INSR: variants seen among roughly 807,000 people sequenced by gnomAD.
INSR encodes the protein insulin receptor.
Under a neutral mutation model 142.6 loss-of-function variants are expected in INSR, and 67 were observed. The ratio of observed to expected loss-of-function variants is 0.47; its 90% CI spans 0.39 to 0.58. INSR has a LOEUF of 0.58. Ranked by LOEUF, INSR falls within the 20% of genes least tolerant of loss-of-function variation. The probability of loss-of-function intolerance (pLI) is 0.00; values close to 1 mark genes in which losing one functional copy is unlikely to be tolerated. For synonymous variants in INSR, 756 were observed against 743.1 expected, an observed-to-expected ratio of 1.02 and a Z score of -0.28; for missense variants, 1,248 against 1,833.2, an observed-to-expected ratio of 0.68 and a Z score of 5.83.
intron 2 of INSR, among the ~76,000 whole-genome samples, chr19:7,230,708 G>A (rs1004324180): frequency 6.6e-6 from 1 of 151,500 alleles, no homozygotes; most frequent in African/African-American, 2.4e-5. Flanking sequence ...TTGGGAGGCT[G>A]AGGCAGGGAG....
chr19:7,159,017 C>T lies in INSR; in HGVS notation c.2029+4015G>A, dbSNP rs545153580. On this transcript the variant is annotated intron_variant, in intron 9 of 21. Transcript: ENST00000302850. The surrounding 1 kb of genome is among the most constrained non-coding windows in gnomAD (Gnocchi z 4.3). ...TCCCAGATTCAAGCGATTCTCCTGC[C>T]TCAGCCTCCTGAGTAGCTGGGATTA... Among the ~76,000 whole-genome samples, 1 of 152,256 alleles carries T rather than the reference C, an allele frequency of 6.6e-6. No individual in the cohort carries two copies. The highest frequency in any genetic ancestry group is 1.9e-4 in the East Asian group (1 of 5,184).
At chr19:7,293,750 C>A (rs1490225433) in intron 1 of INSR, 42 bp downstream of exon 1, 1 of 1,305,718 alleles carries the variant, frequency 7.7e-7, no homozygotes, top group Non-Finnish European at 9.8e-7. Flanking sequence ...GTCCTCTCCC[C>A]ATCGCGGCGC....
intron 1 of INSR, among the ~76,000 whole-genome samples, chr19:7,290,800 G>A (rs901046663): frequency 8.7e-5 from 13 of 149,508 alleles, no homozygotes; most frequent in East Asian, 2.0e-4. Flanking sequence ...GGCCAGGTAC[G>A]GTGGCTCACT....
chr19:7,150,944 C>G lies in INSR; in HGVS notation c.2232-412G>C, dbSNP rs1973320839. ...CTCTTTCTCTTTTCTCTCTCCCTCTCTCTCCTTCCTTCCTTCTTTCCTCTT... is the reference window on the plus strand; with the variant it reads ...CTCTTTCTCTTTTCTCTCTCCCTCTGTCTCCTTCCTTCCTTCTTTCCTCTT... On this transcript the variant is annotated intron_variant, in intron 10 of 21. Transcript: ENST00000302850. The surrounding 1 kb of genome is among the most constrained non-coding windows in gnomAD (Gnocchi z 4.2). 6.6e-6 allele frequency among the ~76,000 whole-genome samples: 1 copy of G among 150,534 alleles called. No individual in the cohort carries two copies.
intron 1 of INSR, among the ~76,000 whole-genome samples, chr19:7,292,092 C>CTTT (rs74826915): frequency 2.7e-5 from 4 of 150,080 alleles, no homozygotes; most frequent in African/African-American, 7.4e-5. Flanking sequence ...CACGCCCCGC[C>CTTT]TTTTTTTTTA....
At chr19:7,242,734 C>CAAAA (rs71177186) in intron 2 of INSR, among the ~76,000 whole-genome samples, 988 of 91,994 alleles carry the variant, frequency 0.011, 48 homozygotes, top group African/African-American at 0.032. Context: ...GAGACTGCCT[C>CAAAA]AAAAAAAAAA....
rs867075117 is a variant in INSR at position 7,122,986 on chromosome 19, G to A, written c.3262C>T (p.Arg1088Cys). Residue 1088 changes from arginine to cysteine, a missense_variant, in exon 18 of 22, where the codon CGC becomes TGC. By Grantham distance (180) the Arg-to-Cys change is radical. Around this residue, in one of 3 missense-constraint regions of INSR, gnomAD observed 1,069 missense variants for 1,654.0 expected, o/e 0.65. Coordinates refer to ENST00000302850, the MANE Select transcript of INSR (RefSeq NM_000208.4). ...CCCTTGGACACCACTCCCAGGAGGCGCACCTGCAGAGCAAGCAACCAGGGT... is the reference window on the plus strand; with the variant it reads ...CCCTTGGACACCACTCCCAGGAGGCACACCTGCAGAGCAAGCAACCAGGGT... ...MKGFTCHHVVRLLGVVSKGQP... is the reference protein window; with the variant it reads ...MKGFTCHHVVCLLGVVSKGQP... The A allele has an allele frequency of 3.1e-6, 5 of 1,597,882 alleles. No individual in the cohort carries two copies. Among genetic ancestry groups the A allele is most frequent in the Non-Finnish European group, 4.3e-6 (5 of 1,173,152 alleles).
chr19:7,196,126 G>A (rs1055936587), intron 2 of INSR, among the ~76,000 whole-genome samples: 1 of 150,948 alleles, frequency 6.6e-6, no homozygotes, highest in Non-Finnish European at 1.5e-5. Context: ...GTAGAGACGG[G>A]GCTTCTCCAA....
chr19:7,290,765 C>CAAA (rs747690908), intron 1 of INSR, among the ~76,000 whole-genome samples: 1 of 106,210 alleles, frequency 9.4e-6, no homozygotes, highest in Admixed American at 9.8e-5. Context: ...CACCCTGTCT[C>CAAA]AAAAAAAAAA....
intron 2 of INSR, among the ~76,000 whole-genome samples, chr19:7,206,054 C>T (rs1327393473): frequency 2.0e-5 from 3 of 152,140 alleles, no homozygotes; most frequent in Admixed American, 6.6e-5. Context: ...CGGGAACCAT[C>T]GAAGTACCTT....
chr19:7,122,995 G>A lies in INSR; in HGVS notation c.3259-6C>T, dbSNP rs749398591. ...ACCACTCCCAGGAGGCGCACCTGCA[G>A]AGCAAGCAACCAGGGTTCTTGGAGG... On this transcript the variant is annotated splice_polypyrimidine_tract_variant and splice_region_variant and intron_variant, in intron 17 of 21. Coordinates refer to ENST00000302850, the MANE Select transcript of INSR (RefSeq NM_000208.4). 7.6e-6 allele frequency: 12 copies of A among 1,589,324 alleles called. No individual in the cohort carries two copies. Among genetic ancestry groups the A allele is most frequent in the Non-Finnish European group, 6.8e-6 (8 of 1,168,118 alleles).
intron 1 of INSR, among the ~76,000 whole-genome samples, chr19:7,286,716 GT>G (rs113796410): frequency 0.013 from 1,911 of 148,576 alleles, 39 homozygotes; most frequent in African/African-American, 0.044. Flanking sequence ...GGACTTCTGT[GT>G]TTTTTTTTTC....
At chr19:7,136,139 T>C (rs1204727119) in intron 13 of INSR, among the ~76,000 whole-genome samples, 1 of 152,132 alleles carries the variant, frequency 6.6e-6, no homozygotes, top group Non-Finnish European at 1.5e-5. Context: ...TGAAGTGGTA[T>C]TGCATCGTGG....
chr19:7,259,558 C>T (rs940983381), intron 2 of INSR, among the ~76,000 whole-genome samples: 2 of 152,160 alleles, frequency 1.3e-5, no homozygotes, highest in African/African-American at 4.8e-5. Context: ...GTGGTTCACA[C>T]CTGTAATCCC....
chr19:7,163,385 C>A (rs923675562), intron 8 of INSR, among the ~76,000 whole-genome samples, 186 bp from the exon 9 acceptor site: 1 of 151,862 alleles, frequency 6.6e-6, no homozygotes, highest in African/African-American at 2.4e-5. Flanking sequence ...ACAGTGAAAC[C>A]CCGTCTCTAC....
At chr19:7,197,142 T>C (rs558603594) in intron 2 of INSR, among the ~76,000 whole-genome samples, 1 of 152,352 alleles carries the variant, frequency 6.6e-6, no homozygotes, top group Admixed American at 6.5e-5. Context: ...CGCGTGTCCT[T>C]GAAGCGGGGA....
chr19:7,193,598 CTATTT>C (rs1433869108), intron 2 of INSR, among the ~76,000 whole-genome samples: 5 of 151,820 alleles, frequency 3.3e-5, no homozygotes, highest in Admixed American at 1.3e-4. Context: ...AAAAAGTGCC[CTATTT>C]TATTTTTATT....
intron 2 of INSR, among the ~76,000 whole-genome samples, chr19:7,203,963 A>G (rs926921160): frequency 3.3e-5 from 5 of 152,126 alleles, no homozygotes; most frequent in African/African-American, 9.7e-5. Context: ...GCTCACTGCA[A>G]TCTCTGCCTC....
chr19:7,199,746 G>A (rs36038439), intron 2 of INSR, among the ~76,000 whole-genome samples: 2,646 of 151,498 alleles, frequency 0.017, 77 homozygotes, highest in African/African-American at 0.061. Context: ...TCCCTACCTC[G>A]ACCCACCCAG....
Sources: allele counts gnomAD v4.1 joint callset (sites outside exome capture counted in the v4.1 genomes callset), GRCh38; gene constraint gnomAD v4.1.1; regional missense constraint gnomAD v4.1.1; non-coding constraint Gnocchi (gnomAD v3.1); transcripts MANE v1.5; gene names NCBI Gene and HGNC (gene_info 2026-07-23, HGNC 2026-07-21).